The following ROPN1L variants were observed in gnomAD, a reference collection of about 807,000 sequenced individuals.
ROPN1L encodes rhophilin associated tail protein 1 like.
ROPN1L carries 23 observed loss-of-function variants against 22.7 expected under a neutral mutation model. The ratio of observed to expected loss-of-function variants is 1.01; its 90% CI spans 0.73 to 1.43. The LOEUF (loss-of-function observed/expected upper bound fraction) is 1.43, where lower values mean the gene tolerates loss of function less well. Ranked by LOEUF, ROPN1L falls within the 40% of genes most tolerant of loss-of-function variation. The pLI is 0.00. For synonymous variants in ROPN1L, 116 were observed against 117.8 expected (o/e 0.98, Z 0.10); for missense variants, 271 against 291.5 (o/e 0.93, Z 0.51).
At chr5:10,467,274 G>GAAA (rs199945150), downstream of ROPN1L, among the ~76,000 whole-genome samples, 1 of 129,398 alleles carries the variant, frequency 7.7e-6, no homozygotes, top group African/African-American at 2.8e-5. Context: ...AATGTAAATA[G>GAAA]AAAAAAAAAA....
chr5:10,455,326 C>T (rs970932350), intron 3 of ROPN1L, among the ~76,000 whole-genome samples: 1 of 152,240 alleles, frequency 6.6e-6, no homozygotes, highest in South Asian at 2.1e-4. Flanking sequence ...GAAAGGCCAA[C>T]AGAATTCCTC....
At chr5:10,475,835 A>C (rs550129816), downstream of ROPN1L, among the ~76,000 whole-genome samples, 1 of 152,338 alleles carries the variant, frequency 6.6e-6, no homozygotes, top group South Asian at 2.1e-4. Flanking sequence ...CAAATCACAC[A>C]GTGGCTTAAA....
In ROPN1L at chr5:10,458,800, C is replaced by T. The variant is rs1875021; in HGVS notation, c.418-2384C>T. 2.4e-3 allele frequency among the ~76,000 whole-genome samples: 40 copies of T among 16,342 alleles called. 1 individual carries two copies. The highest frequency in any genetic ancestry group is 0.17 in the Middle Eastern group (1 of 6). 10.7% of individuals were successfully genotyped at this position (16,342 alleles called of 152,430 possible). ...ACACCATTCCCCCGTGTACACCATC[C>T]CGCCCATGTACACCATCTCACCCAT... On this transcript the variant is annotated intron_variant, in intron 3 of 4. Coordinates refer to ENST00000274134, the MANE Select transcript of ROPN1L (RefSeq NM_031916.5).
exon 5 of ROPN1L, chr5:10,471,902 C>G (rs756982788): frequency 1.3e-5 from 2 of 152,232 alleles, no homozygotes; most frequent in Non-Finnish European, 2.9e-5. Context: ...CATGGAAGAG[C>G]CAGGAGAGGC....
the ROPN1L span, among the ~76,000 whole-genome samples, chr5:10,478,472 C>A: frequency 2.8e-4 from 43 of 152,294 alleles, no homozygotes; most frequent in East Asian, 5.8e-3. Context: ...TTCTAAGGCT[C>A]TGGCTGGGGG....
chr5:10,459,738 A>G (rs576606347), intron 3 of ROPN1L, among the ~76,000 whole-genome samples: 1 of 152,176 alleles, frequency 6.6e-6, no homozygotes, highest in East Asian at 1.9e-4. Context: ...TGAAAATGTC[A>G]TCCTCCACCC....
chr5:10,459,306 T>TTACCGGGTTCCCGCCTTC (rs1734958431), intron 3 of ROPN1L, among the ~76,000 whole-genome samples: 1 of 151,420 alleles, frequency 6.6e-6, no homozygotes, highest in Non-Finnish European at 1.5e-5. Context: ...TCCACCCTCC[T>TTACCGGGTTCCCGCCTTC]CACCGGGTTC....
intron 3 of ROPN1L, among the ~76,000 whole-genome samples, chr5:10,452,665 A>G (rs574805706): frequency 1.6e-3 from 244 of 152,248 alleles, no homozygotes; most frequent in Non-Finnish European, 1.9e-3. Flanking sequence ...ACAATATAAA[A>G]TTGTATGCAA....
chr5:10,451,354 C>T (rs1222302508), intron 3 of ROPN1L, among the ~76,000 whole-genome samples: 1 of 152,240 alleles, frequency 6.6e-6, no homozygotes, highest in African/African-American at 2.4e-5. Flanking sequence ...CATGTCCTGT[C>T]CCCCTGCCTG....
intron 3 of ROPN1L, among the ~76,000 whole-genome samples, chr5:10,453,851 T>C (rs936432118): frequency 3.9e-5 from 6 of 152,184 alleles, no homozygotes; most frequent in African/African-American, 1.4e-4. Context: ...CCAGGCCCTG[T>C]TCTAAGTGCT....
downstream of ROPN1L, among the ~76,000 whole-genome samples, chr5:10,467,766 G>A (rs1197142922): frequency 6.6e-6 from 1 of 152,246 alleles, no homozygotes; most frequent in African/African-American, 2.4e-5. Flanking sequence ...TTCTGGCAGA[G>A]TGAACTGGGG....
At chr5:10,454,070 A>G (rs1213566534) in intron 3 of ROPN1L, among the ~76,000 whole-genome samples, 1 of 152,112 alleles carries the variant, frequency 6.6e-6, no homozygotes, top group Non-Finnish European at 1.5e-5. Context: ...CTCTTTCTCA[A>G]TGTTTTGATG....
downstream of ROPN1L, among the ~76,000 whole-genome samples, chr5:10,472,987 G>A (rs1294050266): frequency 6.6e-6 from 1 of 152,114 alleles, no homozygotes; most frequent in Non-Finnish European, 1.5e-5. Flanking sequence ...GGTTCCCAGG[G>A]GCTAGGATCA....
chr5:10,481,136 G>A, the ROPN1L span, among the ~76,000 whole-genome samples: 7 of 152,242 alleles, frequency 4.6e-5, no homozygotes, highest in East Asian at 3.9e-4. Context: ...CGAGACTCCC[G>A]GGGCAGAGAC....
At chr5:10,442,426 TC>T (rs1225714791) in intron 1 of ROPN1L, 128 bp downstream of exon 1, 2 of 1,183,370 alleles carry the variant, frequency 1.7e-6, no homozygotes, top group African/African-American at 1.5e-5. Context: ...GGCAAAACTT[TC>T]CCCTTAGCAT....
chr5:10,454,742 C>T (rs1330633212), intron 3 of ROPN1L, among the ~76,000 whole-genome samples: 4 of 152,210 alleles, frequency 2.6e-5, no homozygotes, highest in East Asian at 1.9e-4. Flanking sequence ...ACGCAGTGGG[C>T]ATGATTTCTA....
chr5:10,454,157 C>T (rs1477360120), intron 3 of ROPN1L, among the ~76,000 whole-genome samples: 1 of 151,480 alleles, frequency 6.6e-6, no homozygotes, highest in Admixed American at 6.6e-5. Flanking sequence ...GACAGGGTCT[C>T]GTTCTGTCAC....
chr5:10,444,824 G>A (rs58429628), intron 1 of ROPN1L, among the ~76,000 whole-genome samples: 1 of 151,516 alleles, frequency 6.6e-6, no homozygotes, highest in Non-Finnish European at 1.5e-5. Context: ...GTTTGAAACC[G>A]GGAAGCAGAG....
intron 3 of ROPN1L, among the ~76,000 whole-genome samples, chr5:10,454,879 T>A (rs916572339): frequency 2.0e-5 from 3 of 151,964 alleles, no homozygotes; most frequent in Admixed American, 6.6e-5. Context: ...AGAAGCTGAG[T>A]CACAACAGGT....
Sources: gnomAD v4.1 joint callset for allele counts (sites outside exome capture counted in the v4.1 genomes callset) on GRCh38, gnomAD v4.1.1 for gene constraint, MANE v1.5 for transcripts, NCBI Gene and HGNC (gene_info 2026-07-23, HGNC 2026-07-21) for gene names.